The following IQANK1 variants were observed in gnomAD, a reference collection of about 807,000 sequenced individuals.
IQANK1 encodes IQ motif and ankyrin repeat containing 1, also known as IQ motif and ankyrin repeat domain-containing protein 1.
IQANK1 carries 30 observed loss-of-function variants against 22.6 expected under a neutral mutation model. The observed-to-expected ratio is 1.33, with a 90% confidence interval of 0.99 to 1.80. The LOEUF is 1.80. Among genes scored for constraint, IQANK1 ranks in the 40% most tolerant of loss-of-function variants. The probability of loss-of-function intolerance (pLI) is 0.00; values close to 1 mark genes in which losing one functional copy is unlikely to be tolerated. For synonymous variants in IQANK1, 122 were observed against 99.6 expected (o/e 1.23, Z -1.34); for missense variants, 275 against 235.2 (o/e 1.17, Z -1.11).
At chr8:143,775,079 C>G (rs868995039) in intron 7 of IQANK1, among the ~76,000 whole-genome samples, 1 of 151,948 alleles carries the variant, frequency 6.6e-6, no homozygotes, top group Non-Finnish European at 1.5e-5. Flanking sequence ...ATGGTCGTAA[C>G]GCAAAACTGC....
chr8:143,778,625 C>G (rs537854313), intron 7 of IQANK1, among the ~76,000 whole-genome samples: 1 of 152,328 alleles, frequency 6.6e-6, no homozygotes, highest in Non-Finnish European at 1.5e-5. Context: ...AGCGATGATA[C>G]CGAAGAGCTG....
intron 3 of IQANK1, among the ~76,000 whole-genome samples, chr8:143,762,172 G>A (rs34692013): frequency 0.02 from 2,980 of 152,146 alleles, 45 homozygotes; most frequent in Non-Finnish European, 0.03. Context: ...TATACCAGGC[G>A]TGGTGGCAAG....
chr8:143,749,771 C>G (rs909417277), intron 3 of IQANK1, among the ~76,000 whole-genome samples: 1 of 149,530 alleles, frequency 6.7e-6, no homozygotes, highest in Non-Finnish European at 1.5e-5. Flanking sequence ...CCCTGTTGGC[C>G]GGGGTGGTCT....
At chr8:143,738,591 T>C (rs1191310999) in intron 2 of IQANK1, among the ~76,000 whole-genome samples, 1 of 152,166 alleles carries the variant, frequency 6.6e-6, no homozygotes, top group Non-Finnish European at 1.5e-5. Flanking sequence ...CCGGCGAGAC[T>C]GGGAGGGAGG....
chr8:143,736,334 G>A (rs1361445764), intron 2 of IQANK1, among the ~76,000 whole-genome samples: 15 of 151,958 alleles, frequency 9.9e-5, no homozygotes, highest in African/African-American at 3.4e-4. Context: ...TAGTAGAGAC[G>A]GGGTTTCGCC....
At chr8:143,772,907 A>G (rs1442575322) in intron 7 of IQANK1, among the ~76,000 whole-genome samples, 2 of 152,212 alleles carry the variant, frequency 1.3e-5, no homozygotes, top group Non-Finnish European at 2.9e-5. Context: ...GGGCCCACCC[A>G]TCGGTCCCCT....
intron 7 of IQANK1, among the ~76,000 whole-genome samples, chr8:143,773,031 C>A (rs780131687): frequency 6.6e-6 from 1 of 152,190 alleles, no homozygotes; most frequent in Non-Finnish European, 1.5e-5. Context: ...TCTGGCCGGG[C>A]GTGATGGCTC....
chr8:143,772,512 A>G (rs567294942), intron 7 of IQANK1, 30 bp downstream of exon 7: 395 of 398,022 alleles, frequency 9.9e-4, no homozygotes, highest in African/African-American at 7.8e-3. Context: ...GGGCCCCGGG[A>G]GGTGTGAGCC....
intron 3 of IQANK1, among the ~76,000 whole-genome samples, chr8:143,750,112 C>T (rs1472582020): frequency 2.6e-5 from 4 of 151,962 alleles, no homozygotes; most frequent in African/African-American, 9.7e-5. Context: ...TCAAGCAATT[C>T]TCCTGCCTCT....
chr8:143,786,654 C>G (rs1378077694), intron 7 of IQANK1, among the ~76,000 whole-genome samples: 1 of 152,202 alleles, frequency 6.6e-6, no homozygotes, highest in African/African-American at 2.4e-5. Flanking sequence ...TAGGACCCAT[C>G]CTTGAACAAA....
At chr8:143,778,536 T>C (rs191500340) in intron 7 of IQANK1, among the ~76,000 whole-genome samples, 12 of 151,996 alleles carry the variant, frequency 7.9e-5, no homozygotes, top group African/African-American at 2.7e-4. Flanking sequence ...CAAGGAGAAA[T>C]AAAGAGATCC....
chr8:143,737,060 G>T (rs1002970071), intron 2 of IQANK1, among the ~76,000 whole-genome samples: 9 of 152,144 alleles, frequency 5.9e-5, no homozygotes, highest in Non-Finnish European at 1.0e-4. Flanking sequence ...GCTCCTCCAC[G>T]CCAGGCTGGG....
At chr8:143,761,498 G>C (rs1819397216) in intron 3 of IQANK1, among the ~76,000 whole-genome samples, 1 of 152,196 alleles carries the variant, frequency 6.6e-6, no homozygotes. Context: ...GGCCTGGCGG[G>C]GTAACTCACA....
chr8:143,771,384 T>C lies in IQANK1; in HGVS notation c.176-104T>C, dbSNP rs1344219030. Reference sequence around the variant, plus strand: ...GGGGCTTTGAGAGCCGTTTGGGTCCTTCTGTCGGGGCGGGGGCGGGGGCGG... The same window carrying C: ...GGGGCTTTGAGAGCCGTTTGGGTCCCTCTGTCGGGGCGGGGGCGGGGGCGG... On this transcript the variant is annotated intron_variant, in intron 3 of 13. Transcript: ENST00000527139. The surrounding 1 kb of genome is among the most constrained non-coding windows in gnomAD (Gnocchi z 6.0). 5.3e-6 allele frequency: 2 copies of C among 375,918 alleles called. No individual in the cohort carries two copies. The highest frequency in any genetic ancestry group is 3.8e-5 in the East Asian group (1 of 26,240). 23.3% of individuals were successfully genotyped at this position (375,918 alleles called of 1,614,324 possible).
intron 3 of IQANK1, among the ~76,000 whole-genome samples, chr8:143,757,867 T>C (rs1476560401): frequency 6.6e-6 from 1 of 152,328 alleles, no homozygotes. Flanking sequence ...TCCTAGAAAC[T>C]TCACTGACAT....
chr8:143,780,151 A>G (rs1819769789), intron 7 of IQANK1, among the ~76,000 whole-genome samples: 1 of 152,172 alleles, frequency 6.6e-6, no homozygotes, highest in East Asian at 1.9e-4. Flanking sequence ...CATATCCTGA[A>G]TTTTATAGTG....
chr8:143,773,284 G>A (rs1819615783), intron 7 of IQANK1, among the ~76,000 whole-genome samples: 1 of 146,580 alleles, frequency 6.8e-6, no homozygotes. Context: ...TCCAGCCTGG[G>A]CAACAGAGTG....
At chr8:143,748,834 T>TATATAAATATATAAATATATATATC (rs1819105000) in intron 3 of IQANK1, among the ~76,000 whole-genome samples, 3 of 114,760 alleles carry the variant, frequency 2.6e-5, no homozygotes, top group South Asian at 2.5e-4. Context: ...ATATATTTCA[T>TATATAAATATATAAATATATATATC]ATATAAATAT....
At position 143,735,930 on chromosome 8, in the gene IQANK1, C is replaced by T. The variant is rs1402873847; in HGVS notation, c.77C>T (p.Ala26Val). 3.3e-5 allele frequency: 23 copies of T among 702,646 alleles called. No homozygotes were observed. The highest frequency in any genetic ancestry group is 2.2e-4 in the Admixed American group (11 of 50,008). The allele number at this position is 702,646 out of a possible 1,614,324, so 43.5% of individuals were successfully genotyped here. The change falls in exon 2 of 14, where the codon GCT (alanine) becomes GTT (valine). Residue 26 changes from alanine (A) to valine (V), a missense_variant. Transcript: ENST00000527139. The surrounding 1 kb of genome is among the most constrained non-coding windows in gnomAD (Gnocchi z 5.2). ...CTCCACCCTGGGCCCAAGACAAGAG[C>T]TGCTGCTGGTAAGTGCACCCTCTGA... ...QTLHPGPKTR[A>V]AAGKPGENRP...
Sources: gnomAD v4.1 joint callset for allele counts (sites outside exome capture counted in the v4.1 genomes callset) on GRCh38, gnomAD v4.1.1 for gene constraint, Gnocchi (gnomAD v3.1) non-coding constraint, MANE v1.5 for transcripts, NCBI Gene and HGNC (gene_info 2026-07-23, HGNC 2026-07-21) for gene names.